Variants in PCDHA4 observed in about 807,000 individuals in gnomAD.
The protein encoded by PCDHA4 is protocadherin alpha-4.
A neutral mutation model predicts 61.4 loss-of-function variants in PCDHA4; 49 were observed. The observed-to-expected ratio is 0.80, with a 90% CI of 0.63 to 1.01. The LOEUF (loss-of-function observed/expected upper bound fraction) is 1.01, where lower values mean the gene tolerates loss of function less well. PCDHA4 is among the 50% of genes least tolerant of loss of function. The pLI is 0.00. For synonymous variants in PCDHA4, 590 were observed against 550.3 expected, an observed-to-expected ratio of 1.07 and a Z score of -1.01; for missense variants, 1,254 against 1,235.8, an observed-to-expected ratio of 1.01 and a Z score of -0.22.
At chr5:140,941,214 C>CCTTCCTTTCTTTCTTTCTTT (rs1554214040) in intron 1 of PCDHA4, among the ~76,000 whole-genome samples, 29 of 122,492 alleles carry the variant, frequency 2.4e-4, no homozygotes, top group South Asian at 5.9e-4. Flanking sequence ...TTTCTTTCTT[C>CCTTCCTTTCTTTCTTTCTTT]CTTTCTTTCT....
intron 1 of PCDHA4, chr5:140,857,146 CGTCATTGCCCT>C: frequency 6.3e-7 from 1 of 1,598,132 alleles, no homozygotes; most frequent in Non-Finnish European, 8.6e-7. Context: ...AAGTGGGCAC[CGTCATTGCCCT>C]AATCAGCGTT....
At chr5:140,880,694 A>C (rs1254061280) in intron 1 of PCDHA4, among the ~76,000 whole-genome samples, 1 of 152,228 alleles carries the variant, frequency 6.6e-6, no homozygotes, top group Non-Finnish European at 1.5e-5. Context: ...AGTCATGGTT[A>C]AGTGACAATG....
Position 140,850,105 on chromosome 5 carries a change from C to T in PCDHA4, c.2385+40533C>T, listed in dbSNP as rs1554143759. 1.9e-6 allele frequency: 3 copies of T among 1,596,238 alleles called. No homozygotes were observed. In the East Asian group the frequency reaches 6.7e-5, roughly 36 times the overall value. ...GAGCTGCTACAGTTCCAGGTGAGCG[C>T]GCGCGACGCGGGCGTGCCGCCTCTG... On this transcript the variant is annotated intron_variant, in intron 1 of 3. Coordinates refer to ENST00000530339, the MANE Select transcript of PCDHA4 (RefSeq NM_018907.4).
chr5:140,889,767 C>T (rs539294045), intron 1 of PCDHA4, among the ~76,000 whole-genome samples: 29 of 152,202 alleles, frequency 1.9e-4, no homozygotes, highest in African/African-American at 6.7e-4. Context: ...TGAACTTTGA[C>T]TGGTCTTAAT....
At chr5:140,926,864 T>C in intron 1 of PCDHA4, 1 of 1,522,480 alleles carries the variant, frequency 6.6e-7, no homozygotes, top group South Asian at 1.3e-5. Flanking sequence ...GTGTAGCGTG[T>C]TGGTGGAACG....
At chr5:140,843,447 G>A (rs373780721) in intron 1 of PCDHA4, 12 of 1,596,056 alleles carry the variant, frequency 7.5e-6, no homozygotes, top group Non-Finnish European at 1.0e-5. Flanking sequence ...GCGGTATCCA[G>A]CCTGCTGGTG....
rs2150277025 is a variant in PCDHA4, at chr5:140,837,589, G to A, written c.2385+28017G>A. Among the ~76,000 whole-genome samples the A allele has an allele frequency of 4.8e-4, 73 of 151,324 alleles. 1 individual carries two copies. Among genetic ancestry groups the A allele is most frequent in the Admixed American group, 7.9e-4 (12 of 15,168 alleles). On this transcript the variant is annotated intron_variant, in intron 1 of 3. Coordinates refer to ENST00000530339, the MANE Select transcript of PCDHA4 (RefSeq NM_018907.4). ...ATTTACAATCACCAAATTGTAAATCGCCAATATATATATTTTATAATTTGC... is the reference window on the plus strand; with the variant it reads ...ATTTACAATCACCAAATTGTAAATCACCAATATATATATTTTATAATTTGC...
intron 1 of PCDHA4, among the ~76,000 whole-genome samples, chr5:140,974,521 G>GT (rs1223492348): frequency 3.0e-4 from 45 of 152,208 alleles, no homozygotes; most frequent in African/African-American, 1.0e-3. Flanking sequence ...TTTTATTTTA[G>GT]TTTTTTTGAG....
chr5:140,966,742 G>T, intron 1 of PCDHA4: 1 of 1,422,480 alleles, frequency 7.0e-7, no homozygotes, highest in African/African-American at 1.5e-5. Context: ...GCCCTGCCCG[G>T]CTGCCTCCGC....
chr5:141,008,642 T>C (rs1554261860), intron 3 of PCDHA4, among the ~76,000 whole-genome samples: 1 of 152,212 alleles, frequency 6.6e-6, no homozygotes, highest in Non-Finnish European at 1.5e-5. Flanking sequence ...AACAATTTCT[T>C]CTTCTGGAGT....
At chr5:140,882,013 A>G (rs2058902739) in intron 1 of PCDHA4, 1 of 534,534 alleles carries the variant, frequency 1.9e-6, no homozygotes, top group African/African-American at 1.9e-5. Flanking sequence ...GCAAAAAAAT[A>G]CTACATCAAT....
At chr5:140,883,642 C>T (rs200197885) in intron 1 of PCDHA4, 1 of 1,613,904 alleles carries the variant, frequency 6.2e-7, no homozygotes, top group South Asian at 1.1e-5. Context: ...TCGCGCAGCC[C>T]GAGTACACGG....
chr5:140,858,515 C>G lies in PCDHA4; in HGVS notation c.2385+48943C>G, dbSNP rs1554151726. ...TTACCGCATTTTCTCAAATATGTAT[C>G]AGAATATTTCATTTTTGTCTACATT... On this transcript the variant is annotated intron_variant, in intron 1 of 3. Coordinates refer to ENST00000530339, the MANE Select transcript of PCDHA4 (RefSeq NM_018907.4). 2.8e-6 allele frequency: 4 copies of G among 1,415,980 alleles called. 1 individual carries two copies. The African/African-American group carries it at 5.7e-5, about 20-fold the overall frequency. 87.7% of individuals were successfully genotyped at this position (1,415,980 alleles called of 1,614,324 possible).
intron 3 of PCDHA4, among the ~76,000 whole-genome samples, chr5:140,989,984 C>T (rs907486922): frequency 3.3e-5 from 5 of 152,032 alleles, no homozygotes; most frequent in African/African-American, 1.2e-4. Context: ...ACAGCCCTGC[C>T]TGAAATTGTC....
chr5:140,848,365 A>T, intron 1 of PCDHA4: 1 of 1,070,202 alleles, frequency 9.3e-7, no homozygotes, highest in Non-Finnish European at 1.4e-6. Flanking sequence ...CATGGGAAAG[A>T]GGCTCAATTC....
chr5:140,903,753 A>T (rs1554191101), intron 1 of PCDHA4, among the ~76,000 whole-genome samples: 2 of 152,186 alleles, frequency 1.3e-5, no homozygotes, highest in African/African-American at 4.8e-5. Context: ...GTTTCCCTTG[A>T]TTTTTGCTGA....
rs1775694591 is a variant in PCDHA4 at position 140,838,348 on chromosome 5, T to C, written c.2385+28776T>C. ...CATGTTGCCCCGGCTGGTCTCGAAA[T>C]CTGGGACTCAAGTGATCTGACTGCC... On this transcript the variant is annotated intron_variant, in intron 1 of 3. Coordinates refer to ENST00000530339, the MANE Select transcript of PCDHA4 (RefSeq NM_018907.4). Among the ~76,000 whole-genome samples the C allele has an allele frequency of 1.3e-5, 2 of 150,108 alleles. 1 individual carries two copies. The highest frequency in any genetic ancestry group is 4.9e-5 in the African/African-American group (2 of 40,592).
intron 3 of PCDHA4, among the ~76,000 whole-genome samples, chr5:140,994,257 G>A (rs1232863771): frequency 6.6e-6 from 1 of 152,122 alleles, no homozygotes; most frequent in East Asian, 1.9e-4. Context: ...AGGTAAATAA[G>A]GTAAGCTAGG....
intron 1 of PCDHA4, chr5:140,823,018 G>T (rs1386534416): frequency 1.2e-6 from 2 of 1,614,118 alleles, no homozygotes; most frequent in Admixed American, 1.7e-5. Context: ...CCTGGACCGC[G>T]AGAGCGTGTC....
Sources: gnomAD v4.1 joint callset for allele counts (sites outside exome capture counted in the v4.1 genomes callset) on GRCh38, gnomAD v4.1.1 for gene constraint, MANE v1.5 for transcripts, NCBI Gene and HGNC (gene_info 2026-07-23, HGNC 2026-07-21) for gene names.